The following COL25A1 variants were observed in gnomAD, a reference collection of about 807,000 sequenced individuals.
COL25A1 encodes the protein collagen type XXV alpha 1 chain.
In COL25A1, 103 loss-of-function variants were observed where a neutral mutation model predicts 128.4. That is an observed-to-expected ratio of 0.80 (90% CI 0.68 to 0.94). The LOEUF (loss-of-function observed/expected upper bound fraction) is 0.94, where lower values mean the gene tolerates loss of function less well. Ranked by LOEUF, COL25A1 falls within the 40% of genes least tolerant of loss-of-function variation. The probability of loss-of-function intolerance (pLI) is 0.00; values close to 1 mark genes in which losing one functional copy is unlikely to be tolerated. For synonymous variants in COL25A1, 279 were observed against 277.2 expected (o/e 1.01, Z -0.06); for missense variants, 745 against 840.0 (o/e 0.89, Z 1.40).
At chr4:108,885,944 T>C (rs1346838196) in intron 18 of COL25A1, among the ~76,000 whole-genome samples, 1 of 152,226 alleles carries the variant, frequency 6.6e-6, no homozygotes. Context: ...TAAAGAAAGA[T>C]ATTTATTTAA....
At position 109,297,779 on chromosome 4, in the gene COL25A1, G is replaced by A. The variant is rs143428114; in HGVS notation, c.367+2804C>T. Among the ~76,000 whole-genome samples the A allele has an allele frequency of 1.6e-3, 232 of 148,066 alleles. 1 individual carries two copies. Among genetic ancestry groups the A allele is most frequent in the African/African-American group, 5.5e-3 (222 of 40,496 alleles). On this transcript the variant is annotated intron_variant, in intron 3 of 37. Transcript: ENST00000399132. ...ACTAAAAAGAATAGTAATTACTATTGTCTAATGGATAGCCACTAATATACC... is the reference window on the plus strand; with the variant it reads ...ACTAAAAAGAATAGTAATTACTATTATCTAATGGATAGCCACTAATATACC...
At chr4:109,169,309 T>G (rs1773366003) in intron 3 of COL25A1, among the ~76,000 whole-genome samples, 1 of 152,206 alleles carries the variant, frequency 6.6e-6, no homozygotes, top group African/African-American at 2.4e-5. Context: ...TCTAGCCTTC[T>G]CTAATGTAGC....
chr4:109,207,808 C>T (rs1777134798), intron 3 of COL25A1, among the ~76,000 whole-genome samples: 4 of 152,128 alleles, frequency 2.6e-5, no homozygotes. Context: ...ATTTATAATA[C>T]ACCAAATACT....
Position 108,813,355 on chromosome 4 carries a change from C to T in COL25A1, c.*572G>A. On this transcript the variant is annotated 3_prime_UTR_variant, in exon 38 of 38. Coordinates refer to ENST00000399132, the MANE Select transcript of COL25A1 (RefSeq NM_198721.4). ...TGAGATGACAAAAGGAATAAAGGTT[C>T]AGATGTAATCAAAGGACTCCTGATC... 1 of 152,766 alleles carries T rather than the reference C, an allele frequency of 6.5e-6. No individual in the cohort carries two copies. 9.5% of individuals were successfully genotyped at this position (152,766 alleles called of 1,614,324 possible).
intron 26 of COL25A1, among the ~76,000 whole-genome samples, chr4:108,850,612 C>T (rs1735655158): frequency 6.6e-6 from 1 of 152,098 alleles, no homozygotes; most frequent in South Asian, 2.1e-4. Flanking sequence ...CTCAAAGCCA[C>T]CCTTGGCTCT....
chr4:109,185,124 A>G (rs993699348), intron 3 of COL25A1, among the ~76,000 whole-genome samples: 1 of 152,214 alleles, frequency 6.6e-6, no homozygotes, highest in Admixed American at 6.5e-5. Flanking sequence ...AAGTATGGCT[A>G]GCTTTGCTTT....
Position 109,025,580 on chromosome 4 carries a change from G to T in COL25A1, c.421-15205C>A, listed in dbSNP as rs1276540297. On this transcript the variant is annotated intron_variant, in intron 5 of 37. Coordinates refer to ENST00000399132, the MANE Select transcript of COL25A1 (RefSeq NM_198721.4). ...TGCTAGCAGATTTCTAACACCCAGAGAGTCAATTAATTTATAATGCATGAG... is the reference window on the plus strand; with the variant it reads ...TGCTAGCAGATTTCTAACACCCAGATAGTCAATTAATTTATAATGCATGAG... 3.3e-5 allele frequency among the ~76,000 whole-genome samples: 5 copies of T among 152,140 alleles called. No individual in the cohort carries two copies. The East Asian group carries it at 9.6e-4, about 29-fold the overall frequency.
Position 109,246,772 on chromosome 4 carries a change from T to C in COL25A1, c.367+53811A>G, listed in dbSNP as rs922663541. On this transcript the variant is annotated intron_variant, in intron 3 of 37. Transcript: ENST00000399132. ...TAATTTATTTATCTACTTTATAAACTTGTTAAATCATTAAGGAGGAGGCCT... is the reference window on the plus strand; with the variant it reads ...TAATTTATTTATCTACTTTATAAACCTGTTAAATCATTAAGGAGGAGGCCT... 4.6e-5 allele frequency among the ~76,000 whole-genome samples: 7 copies of C among 152,158 alleles called. No individual in the cohort carries two copies. In the East Asian group the frequency reaches 1.2e-3, roughly 25 times the overall value.
At chr4:109,222,505 A>G (rs1029370127) in intron 3 of COL25A1, among the ~76,000 whole-genome samples, 3 of 152,206 alleles carry the variant, frequency 2.0e-5, no homozygotes, top group African/African-American at 7.2e-5. Context: ...ATAAGAATTT[A>G]TGTTCTCAAG....
At chr4:109,281,468 G>C (rs535987972) in intron 3 of COL25A1, among the ~76,000 whole-genome samples, 1 of 151,150 alleles carries the variant, frequency 6.6e-6, no homozygotes, top group South Asian at 2.1e-4. Context: ...GAGTGGGAGG[G>C]ATGGAAAGAA....
chr4:108,836,244 G>A (rs1408102070), intron 31 of COL25A1, among the ~76,000 whole-genome samples: 1 of 152,104 alleles, frequency 6.6e-6, no homozygotes. Context: ...GCTAGCATAG[G>A]TACAGCTGTT....
At chr4:109,196,170 G>C (rs80074753) in intron 3 of COL25A1, among the ~76,000 whole-genome samples, 1 of 152,118 alleles carries the variant, frequency 6.6e-6, no homozygotes, top group Non-Finnish European at 1.5e-5. Flanking sequence ...CATCCATTAC[G>C]GGGAGACGAG....
chr4:109,197,515 T>C (rs1776220886), intron 3 of COL25A1, among the ~76,000 whole-genome samples: 1 of 133,974 alleles, frequency 7.5e-6, no homozygotes, highest in South Asian at 2.1e-4. Context: ...ATATAATATT[T>C]ATATATAATA....
At chr4:109,146,296 CT>C (rs1377965190) in intron 3 of COL25A1, among the ~76,000 whole-genome samples, 2 of 152,080 alleles carry the variant, frequency 1.3e-5, no homozygotes, top group African/African-American at 4.8e-5. Flanking sequence ...TAAGAAAAGT[CT>C]ATTTACATCT....
chr4:108,967,640 C>T (rs1418435828), intron 8 of COL25A1, among the ~76,000 whole-genome samples: 3 of 152,184 alleles, frequency 2.0e-5, no homozygotes, highest in African/African-American at 4.8e-5. Flanking sequence ...CAACTGCATC[C>T]ACTTTTCCCG....
chr4:108,827,066 T>C (rs1315988918), intron 33 of COL25A1, 69 bp downstream of exon 33: 2 of 1,373,524 alleles, frequency 1.5e-6, no homozygotes, highest in East Asian at 2.3e-5. Flanking sequence ...AAGCGAAGGG[T>C]TAACCGTGTC....
At chr4:109,248,711 C>T (rs988287764) in intron 3 of COL25A1, among the ~76,000 whole-genome samples, 5 of 152,138 alleles carry the variant, frequency 3.3e-5, no homozygotes, top group Non-Finnish European at 1.5e-5. Flanking sequence ...AGACATCAGT[C>T]CAGCTCTCCG....
chr4:109,004,308 TTCC>T (rs1161146795), intron 6 of COL25A1, among the ~76,000 whole-genome samples: 1 of 152,184 alleles, frequency 6.6e-6, no homozygotes, highest in African/African-American at 2.4e-5. Flanking sequence ...AATAGACAGT[TTCC>T]CTTTTTACCA....
intron 5 of COL25A1, among the ~76,000 whole-genome samples, chr4:109,035,934 A>G (rs1759308171): frequency 6.6e-6 from 1 of 151,512 alleles, no homozygotes; most frequent in East Asian, 1.9e-4. Flanking sequence ...TTATTTATTT[A>G]TTTATGTTTC....
Sources: allele counts gnomAD v4.1 joint callset (sites outside exome capture counted in the v4.1 genomes callset), GRCh38; gene constraint gnomAD v4.1.1; transcripts MANE v1.5; gene names NCBI Gene and HGNC (gene_info 2026-07-23, HGNC 2026-07-21).